Variants in GRK7 observed in about 807,000 individuals in gnomAD.
The protein encoded by GRK7 is rhodopsin kinase GRK7.
Under a neutral mutation model 34.1 loss-of-function variants are expected in GRK7, and 24 were observed. That is an observed-to-expected ratio of 0.70 (90% CI 0.51 to 0.99). The LOEUF (loss-of-function observed/expected upper bound fraction) is 0.99, where lower values mean the gene tolerates loss of function less well. GRK7 is among the 50% of genes least tolerant of loss of function. The pLI is 0.00. For missense variants in GRK7, 644 were observed against 707.3 expected (o/e 0.91, Z 1.02); for synonymous variants, 256 against 279.4 (o/e 0.92, Z 0.84).
At chr3:141,750,157 TG>T in the GRK7 span, among the ~76,000 whole-genome samples, 1 of 152,218 alleles carries the variant, frequency 6.6e-6, no homozygotes, top group Non-Finnish European at 1.5e-5. Context: ...TTAAAAGTAA[TG>T]GCATAAACCA....
chr3:141,798,635 G>A (rs1049681774), intron 4 of GRK7, among the ~76,000 whole-genome samples: 1 of 152,174 alleles, frequency 6.6e-6, no homozygotes, highest in African/African-American at 2.4e-5. Flanking sequence ...AGAGGTCAGC[G>A]TGGTTGGACC....
intron 5 of GRK7, among the ~76,000 whole-genome samples, chr3:141,815,802 A>G (rs1270457211): frequency 6.6e-6 from 1 of 151,512 alleles, no homozygotes; most frequent in Non-Finnish European, 1.5e-5. Context: ...GTGATACAGG[A>G]TGGAGGCTTG....
intron 4 of GRK7, among the ~76,000 whole-genome samples, chr3:141,795,539 A>G (rs1380152985): frequency 2.0e-5 from 3 of 152,204 alleles, no homozygotes; most frequent in Non-Finnish European, 1.5e-5. Context: ...TAGAGAGTTT[A>G]GCAGACACCA....
At position 141,794,467 on chromosome 3, in the gene GRK7, C is replaced by T. The variant is rs940497983; in HGVS notation, c.1051-13178C>T. ...AAAGGAAGCCAGGAAATGAAAAGCA[C>T]ATCGTAAGAGGAAATGTGGTTCAAA... is the stretch of plus-strand genomic sequence containing the variant. On this transcript the variant is annotated intron_variant, in intron 4 of 5. Transcript: ENST00000682958. 3.9e-5 allele frequency among the ~76,000 whole-genome samples: 6 copies of T among 152,296 alleles called. No individual in the cohort carries two copies. In the East Asian group the frequency reaches 5.8e-4, roughly 15 times the overall value.
chr3:141,756,317 G>GA, the GRK7 span, among the ~76,000 whole-genome samples: 1 of 120,092 alleles, frequency 8.3e-6, no homozygotes, highest in African/African-American at 3.9e-5. Flanking sequence ...ATCTCAAAAA[G>GA]AAAAAAAAAG....
Position 141,778,258 on chromosome 3 carries a change from C to A in GRK7, c.-27C>A. ...CAGCCCTCCAGCCCTCTTGTGCTTTCCCTGGGAGTGCGCCCCGTGCTCAGC... is the reference window on the plus strand; with the variant it reads ...CAGCCCTCCAGCCCTCTTGTGCTTTACCTGGGAGTGCGCCCCGTGCTCAGC... On this transcript the variant is annotated 5_prime_UTR_variant, in exon 3 of 6. Coordinates refer to ENST00000682958, the MANE Select transcript of GRK7 (RefSeq NM_139209.3). The surrounding 1 kb of genome is among the most constrained non-coding windows in gnomAD (Gnocchi z 4.1). 1 of 1,534,028 alleles carries A rather than the reference C, an allele frequency of 6.5e-7. No homozygotes were observed. The highest frequency in any genetic ancestry group is 8.8e-7 in the Non-Finnish European group (1 of 1,140,160).
chr3:141,788,182 G>A lies in GRK7; in HGVS notation c.1050+7371G>A, dbSNP rs78237245. 5.7e-4 allele frequency among the ~76,000 whole-genome samples: 87 copies of A among 152,272 alleles called. No homozygotes were observed. In the East Asian group the frequency reaches 0.015, roughly 26 times the overall value. ...CCTGGGGGGGCACAGGCCCTTTCTC[G>A]CCACTGAAGGACACTGGGTAAAGTA... is the stretch of plus-strand genomic sequence containing the variant. On this transcript the variant is annotated intron_variant, in intron 4 of 5. Coordinates refer to ENST00000682958, the MANE Select transcript of GRK7 (RefSeq NM_139209.3).
At chr3:141,807,581 T>C in intron 4 of GRK7, 64 bp from the exon 5 acceptor site, 1 of 1,414,034 alleles carries the variant, frequency 7.1e-7, no homozygotes, top group South Asian at 1.2e-5. Flanking sequence ...GTCAGCAGTG[T>C]CTGCTACACT....
intron 4 of GRK7, among the ~76,000 whole-genome samples, chr3:141,805,608 G>C (rs190835127): frequency 6.6e-6 from 1 of 152,116 alleles, no homozygotes; most frequent in African/African-American, 2.4e-5. Context: ...TGCACAGCCC[G>C]TTAGATCCTA....
intron 2 of GRK7, among the ~76,000 whole-genome samples, chr3:141,775,343 C>T (rs930933492): frequency 1.1e-4 from 17 of 151,620 alleles, no homozygotes; most frequent in African/African-American, 3.9e-4. Flanking sequence ...GCTAAGATCA[C>T]GCCACTGCAC....
chr3:141,816,850 G>T lies in GRK7; in HGVS notation c.1462G>T (p.Asp488Tyr). The T allele has an allele frequency of 6.2e-7, 1 of 1,614,042 alleles. No homozygotes were observed. Among genetic ancestry groups the T allele is most frequent in the Non-Finnish European group, 8.5e-7 (1 of 1,179,956 alleles). ...VYAKDIAEID[D>Y]FSEVRGVEFD... Reference sequence around the variant, plus strand: ...TGCCAAAGACATCGCTGAAATTGATGATTTCTCTGAGGTTCGGGGGGTGGA... The same window carrying T: ...TGCCAAAGACATCGCTGAAATTGATTATTTCTCTGAGGTTCGGGGGGTGGA... The change falls in exon 6 of 6, where the codon GAT (aspartate) becomes TAT (tyrosine). Residue 488 changes from aspartate to tyrosine, a missense_variant. By Grantham distance (160) the Asp-to-Tyr change is radical. Transcript: ENST00000682958.
rs1303363838 is a variant in GRK7 at position 141,807,654 on chromosome 3, A to G, written c.1060A>G (p.Asn354Asp). 5 of 1,613,938 alleles carry G rather than the reference A, an allele frequency of 3.1e-6. No homozygotes were observed. Among genetic ancestry groups the G allele is most frequent in the Non-Finnish European group, 4.2e-6 (5 of 1,179,906 alleles). Residue 354 changes from asparagine (N) to aspartate (D), a missense_variant, in exon 5 of 6, where the codon AAT (asparagine) becomes GAT (aspartate). Asn to Asp is a conservative substitution (Grantham distance 23). Coordinates refer to ENST00000682958, the MANE Select transcript of GRK7 (RefSeq NM_139209.3). ...GKPITQRAGT[N>D]GYMAPEILME... Reference sequence around the variant, plus strand: ...GTTTGGGATGTTACAGGCTGGAACCAATGGTTACATGGCTCCTGAGATCCT... The same window carrying G: ...GTTTGGGATGTTACAGGCTGGAACCGATGGTTACATGGCTCCTGAGATCCT...
At position 141,778,352 on chromosome 3, in the gene GRK7, C is replaced by T. The variant is rs762526012; in HGVS notation, c.68C>T (p.Ser23Leu). Residue 23 changes from serine (S) to leucine (L), a missense_variant, in exon 3 of 6, where the codon TCG (serine) becomes TTG (leucine). Transcript: ENST00000682958. The surrounding 1 kb of genome is among the most constrained non-coding windows in gnomAD (Gnocchi z 4.1). ...GCCTACCTGCAGGCCCGGAAGCCCT[C>T]GGACTGCGACAGCAAAGAGCTGCAG... is the stretch of plus-strand genomic sequence containing the variant. ...NTAYLQARKPSDCDSKELQRR... is the reference protein window; with the variant it reads ...NTAYLQARKPLDCDSKELQRR... 9 of 1,609,420 alleles carry T rather than the reference C, an allele frequency of 5.6e-6. No individual in the cohort carries two copies. Among genetic ancestry groups the T allele is most frequent in the Non-Finnish European group, 6.8e-6 (8 of 1,177,006 alleles).
chr3:141,773,992 C>T (rs996526886), intron 1 of GRK7, among the ~76,000 whole-genome samples: 6 of 152,156 alleles, frequency 3.9e-5, no homozygotes, highest in Non-Finnish European at 5.9e-5. Flanking sequence ...CCCCACTTGG[C>T]GCAAGGGATG....
At chr3:141,756,409 C>G in the GRK7 span, among the ~76,000 whole-genome samples, 1 of 152,032 alleles carries the variant, frequency 6.6e-6, no homozygotes, top group Non-Finnish European at 1.5e-5. Context: ...CAAAAGAATT[C>G]AGGCACAAAA....
chr3:141,762,771 C>T (rs748918050), upstream of GRK7, among the ~76,000 whole-genome samples: 22 of 152,198 alleles, frequency 1.4e-4, no homozygotes, highest in Middle Eastern at 3.4e-3. Context: ...AGCGAGATTC[C>T]GTGGGGAGAT....
At chr3:141,782,231 G>C (rs1316180129) in intron 4 of GRK7, among the ~76,000 whole-genome samples, 2 of 152,214 alleles carry the variant, frequency 1.3e-5, no homozygotes, top group Non-Finnish European at 2.9e-5. Flanking sequence ...GGCTAAGGTA[G>C]TGAGTGGCCC....
chr3:141,778,630 G>A lies in GRK7; in HGVS notation c.346G>A (p.Ala116Thr). The change falls in exon 3 of 6, where the codon GCC (alanine) becomes ACC (threonine). Residue 116 changes from alanine to threonine, a missense_variant. Physicochemically the swap from Ala to Thr is moderately conservative, Grantham distance 58 (BLOSUM62 0). Coordinates refer to ENST00000682958, the MANE Select transcript of GRK7 (RefSeq NM_139209.3). This position sits in a 1 kb window ranked among gnomAD's most constrained non-coding sequence, Gnocchi z 4.1. ...GGGGCTGGTGGCCACTTGTGCGAGTGCCCCTGCCCCGGGGAACCCGCAACC... is the reference window on the plus strand; with the variant it reads ...GGGGCTGGTGGCCACTTGTGCGAGTACCCCTGCCCCGGGGAACCCGCAACC... ...LQGLVATCAS[A>T]PAPGNPQPFL... 2 of 1,612,410 alleles carry A rather than the reference G, an allele frequency of 1.2e-6. No individual in the cohort carries two copies. The highest frequency in any genetic ancestry group is 1.7e-6 in the Non-Finnish European group (2 of 1,179,332).
chr3:141,768,427 A>G (rs146864946), intron 1 of GRK7, among the ~76,000 whole-genome samples: 14,441 of 151,966 alleles, frequency 0.095, 664 homozygotes, highest in South Asian at 0.12. Flanking sequence ...ACAGGCACCC[A>G]CCACCACACC....
Sources: allele counts gnomAD v4.1 joint callset (sites outside exome capture counted in the v4.1 genomes callset), GRCh38; gene constraint gnomAD v4.1.1; non-coding constraint Gnocchi (gnomAD v3.1); transcripts MANE v1.5; gene names NCBI Gene and HGNC (gene_info 2026-07-23, HGNC 2026-07-21).